Variants in STARD13 observed in about 807,000 individuals in gnomAD.
The protein encoded by STARD13 is StAR related lipid transfer domain containing 13.
A neutral mutation model predicts 106.4 loss-of-function variants in STARD13; 62 were observed. That is an observed-to-expected ratio of 0.58 (90% CI 0.48 to 0.72). The LOEUF is 0.72. Among genes scored for constraint, STARD13 ranks in the 30% least tolerant of loss-of-function variants. The pLI is 0.00. For synonymous variants in STARD13, 565 were observed against 553.0 expected, an observed-to-expected ratio of 1.02 and a Z score of -0.31; for missense variants, 1,387 against 1,424.0, an observed-to-expected ratio of 0.97 and a Z score of 0.42.
Position 33,316,197 on chromosome 13 carries a change from G to T in STARD13, c.124+34093C>A, listed in dbSNP as rs184707106. Among the ~76,000 whole-genome samples the T allele has an allele frequency of 7.0e-4, 107 of 152,244 alleles. 1 individual carries two copies. Among genetic ancestry groups the T allele is most frequent in the African/African-American group, 2.6e-3 (106 of 41,548 alleles). ...AATCTTCTCTAATTCTCTTCAGGCAGCCTTCTGACACACCTGTTATCTCTC... is the reference window on the plus strand; with the variant it reads ...AATCTTCTCTAATTCTCTTCAGGCATCCTTCTGACACACCTGTTATCTCTC... On this transcript the variant is annotated intron_variant, in intron 1 of 5. Coordinates refer to the STARD13 transcript ENST00000567873.
In STARD13 at chr13:33,306,275, C is replaced by T. The variant is rs114704734; in HGVS notation, c.124+44015G>A. On this transcript the variant is annotated intron_variant, in intron 1 of 5. Transcript: ENST00000567873. ...GTGCTGGGAAAAGTGACTAGCTATA[C>T]GCAGAAAATTAATACTGAACCCCTT... 6.2e-3 allele frequency among the ~76,000 whole-genome samples: 941 copies of T among 152,170 alleles called. 10 individuals are homozygous for T. Among genetic ancestry groups the T allele is most frequent in the African/African-American group, 0.02 (842 of 41,534 alleles).
At chr13:33,515,502 C>G in the STARD13 span, among the ~76,000 whole-genome samples, 1 of 152,120 alleles carries the variant, frequency 6.6e-6, no homozygotes, top group Non-Finnish European at 1.5e-5. Context: ...GCAGAGATAG[C>G]TGGCACAGGA....
the STARD13 span, among the ~76,000 whole-genome samples, chr13:33,360,656 G>A: frequency 7.2e-6 from 1 of 139,636 alleles, no homozygotes; most frequent in Non-Finnish European, 1.6e-5. Flanking sequence ...TAGACAGAAG[G>A]ATTCCTTCTG....
chr13:33,385,970 C>T, the STARD13 span, among the ~76,000 whole-genome samples: 1 of 151,680 alleles, frequency 6.6e-6, no homozygotes, highest in South Asian at 2.1e-4. Flanking sequence ...ACTAAATTTG[C>T]AATTATTTCC....
the STARD13 span, among the ~76,000 whole-genome samples, chr13:33,449,721 T>C: frequency 6.6e-6 from 1 of 152,222 alleles, no homozygotes; most frequent in Non-Finnish European, 1.5e-5. Flanking sequence ...ATATAAATTA[T>C]TGCAATTCAT....
chr13:33,467,352 G>A, the STARD13 span, among the ~76,000 whole-genome samples: 2 of 152,126 alleles, frequency 1.3e-5, no homozygotes, highest in African/African-American at 4.8e-5. Flanking sequence ...GCACTCCTAT[G>A]AGAATCTAAT....
chr13:33,162,997 T>G (rs200318274), intron 3 of STARD13, among the ~76,000 whole-genome samples: 1 of 152,330 alleles, frequency 6.6e-6, no homozygotes, highest in African/African-American at 2.4e-5. Flanking sequence ...AAAAAGAGGT[T>G]TAATTGGACT....
the STARD13 span, among the ~76,000 whole-genome samples, chr13:33,370,366 C>G: frequency 6.6e-6 from 1 of 152,284 alleles, no homozygotes. Context: ...CCATACATCT[C>G]TCACTCTCAG....
At chr13:33,667,714 A>C in the STARD13 span, among the ~76,000 whole-genome samples, 1 of 152,254 alleles carries the variant, frequency 6.6e-6, no homozygotes, top group Non-Finnish European at 1.5e-5. Context: ...AAATGTGAAA[A>C]GATCCTGAAT....
intron 1 of STARD13, among the ~76,000 whole-genome samples, chr13:33,242,192 C>A (rs570088329): frequency 6.6e-6 from 1 of 152,168 alleles, no homozygotes; most frequent in African/African-American, 2.4e-5. Context: ...GCCCAGCAGC[C>A]GCCCCATCCG....
the STARD13 span, among the ~76,000 whole-genome samples, chr13:33,386,521 C>T: frequency 6.6e-6 from 1 of 152,112 alleles, no homozygotes; most frequent in South Asian, 2.1e-4. Flanking sequence ...TGGCCTCCCC[C>T]ATCCAGGTCC....
At chr13:33,458,810 G>A in the STARD13 span, among the ~76,000 whole-genome samples, 2 of 133,440 alleles carry the variant, frequency 1.5e-5, no homozygotes, top group African/African-American at 2.8e-5. Context: ...TGCACAACAT[G>A]TTTACTTTTT....
the STARD13 span, among the ~76,000 whole-genome samples, chr13:33,380,461 A>G: frequency 8.8e-5 from 12 of 136,130 alleles, no homozygotes; most frequent in African/African-American, 3.2e-4. Context: ...CGTCACACAC[A>G]CACACCCCCA....
intron 1 of STARD13, among the ~76,000 whole-genome samples, chr13:33,332,117 GCTAC>G (rs1225238915): frequency 6.6e-6 from 1 of 152,054 alleles, no homozygotes; most frequent in Non-Finnish European, 1.5e-5. Flanking sequence ...AGAGGAGCTG[GCTAC>G]CTGTCGACCC....
chr13:33,361,598 C>T, the STARD13 span, among the ~76,000 whole-genome samples: 2 of 152,204 alleles, frequency 1.3e-5, no homozygotes, highest in South Asian at 2.1e-4. Flanking sequence ...TTAATTGACT[C>T]ACAGTTCCAC....
chr13:33,302,211 A>G (rs1892747814), intron 1 of STARD13, among the ~76,000 whole-genome samples: 1 of 152,232 alleles, frequency 6.6e-6, no homozygotes, highest in Non-Finnish European at 1.5e-5. Context: ...CTGGAACTGT[A>G]CTAAGAGACT....
At chr13:33,258,454 C>T (rs1444884067) in intron 1 of STARD13, among the ~76,000 whole-genome samples, 3 of 151,356 alleles carry the variant, frequency 2.0e-5, no homozygotes, top group Non-Finnish European at 1.5e-5. Flanking sequence ...ACCATGCAAT[C>T]GTCAATGCTG....
intron 1 of STARD13, among the ~76,000 whole-genome samples, chr13:33,317,918 T>G (rs1431616698): frequency 6.6e-6 from 1 of 152,216 alleles, no homozygotes; most frequent in Non-Finnish European, 1.5e-5. Flanking sequence ...TACATTATCC[T>G]ATTCAATCCT....
chr13:33,204,927 A>C (rs1044995578), intron 1 of STARD13, among the ~76,000 whole-genome samples: 7 of 152,246 alleles, frequency 4.6e-5, no homozygotes, highest in Non-Finnish European at 8.8e-5. Context: ...GCAGATGCAA[A>C]ATAAGTCCCT....
Sources: gnomAD v4.1 joint callset for allele counts (sites outside exome capture counted in the v4.1 genomes callset) on GRCh38, gnomAD v4.1.1 for gene constraint, MANE v1.5 for transcripts, NCBI Gene and HGNC (gene_info 2026-07-23, HGNC 2026-07-21) for gene names.